OTOG: variants seen among roughly 807,000 people sequenced by gnomAD.
OTOG encodes otogelin.
In OTOG, 296 loss-of-function variants were observed where a neutral mutation model predicts 313.8. The ratio of observed to expected loss-of-function variants is 0.94; its 90% CI spans 0.86 to 1.04. The LOEUF (loss-of-function observed/expected upper bound fraction) is 1.04, where lower values mean the gene tolerates loss of function less well. OTOG is among the 50% of genes least tolerant of loss of function. The probability of loss-of-function intolerance (pLI) is 0.00; values close to 1 mark genes in which losing one functional copy is unlikely to be tolerated. For synonymous variants in OTOG, 1,533 were observed against 1,554.9 expected, an observed-to-expected ratio of 0.99 and a Z score of 0.33; for missense variants, 3,948 against 3,840.1, an observed-to-expected ratio of 1.03 and a Z score of -0.74.
intron 47 of OTOG, 128 bp from the exon 48 acceptor site, chr11:17,638,321 GCT>G (rs1847896892): frequency 2.6e-6 from 2 of 770,900 alleles, no homozygotes; most frequent in Admixed American, 2.9e-5. Flanking sequence ...CTTCCCTGGG[GCT>G]CTGAGGACAG....
At chr11:17,626,133 G>A (rs1215179837) in intron 39 of OTOG, among the ~76,000 whole-genome samples, 1 of 152,052 alleles carries the variant, frequency 6.6e-6, no homozygotes, top group Non-Finnish European at 1.5e-5. Context: ...TTGTTTCTGG[G>A]TTCTCTATTC....
Position 17,573,040 on chromosome 11 carries a change from C to T in OTOG, c.2081-38C>T, listed in dbSNP as rs1041930397. 1.7e-5 allele frequency: 26 copies of T among 1,495,924 alleles called. No homozygotes were observed. The African/African-American group carries it at 3.1e-4, about 18-fold the overall frequency. The allele number at this position is 1,495,924 out of a possible 1,614,324, so 92.7% of individuals were successfully genotyped here. ...GATCCTGGGACACCAGGTAGACCGACTCCCCTGACTGCCTGGCTCCTGTTC... is the reference window on the plus strand; with the variant it reads ...GATCCTGGGACACCAGGTAGACCGATTCCCCTGACTGCCTGGCTCCTGTTC... On this transcript the variant is annotated intron_variant, in intron 18 of 55. Coordinates refer to ENST00000399397, the MANE Select transcript of OTOG (RefSeq NM_001292063.2).
chr11:17,581,972 G>A (rs1465223215), intron 23 of OTOG, among the ~76,000 whole-genome samples: 1 of 152,032 alleles, frequency 6.6e-6, no homozygotes, highest in Non-Finnish European at 1.5e-5. Flanking sequence ...TAACTCTTGA[G>A]GTTGACCTAC....
rs1565126526 is a variant in OTOG at position 17,632,119 on chromosome 11, T to C, written c.6965T>C (p.Ile2322Thr). Residue 2322 changes from isoleucine to threonine, a missense_variant, in exon 42 of 56, where the codon ATC becomes ACC. Physicochemically the swap from Ile to Thr is moderately conservative, Grantham distance 89. Transcript: ENST00000399397. ...CCGGAGTCATTCTGTGAGCTGTGGA[T>C]CCGGGACACCAAGTACGTGCAGCAG... ...VPPESFCELW[I>T]RDTKYVQQPC... 6.4e-7 allele frequency: 1 copy of C among 1,551,070 alleles called. No individual in the cohort carries two copies. Among genetic ancestry groups the C allele is most frequent in the Admixed American group, 2.0e-5 (1 of 51,008 alleles).
intron 52 of OTOG, 66 bp downstream of exon 52, chr11:17,642,017 T>G: frequency 1.3e-6 from 2 of 1,528,594 alleles, no homozygotes; most frequent in Non-Finnish European, 1.8e-6. Context: ...ACTAGGGCCC[T>G]CTCTGGCTTG....
At chr11:17,617,676 T>G (rs1853756436) in intron 39 of OTOG, among the ~76,000 whole-genome samples, 1 of 152,158 alleles carries the variant, frequency 6.6e-6, no homozygotes, top group Non-Finnish European at 1.5e-5. Flanking sequence ...CTGACATTAG[T>G]TATTTGTGTC....
chr11:17,638,093 G>T (rs1854305882), intron 47 of OTOG, among the ~76,000 whole-genome samples: 1 of 152,372 alleles, frequency 6.6e-6, no homozygotes, highest in Non-Finnish European at 1.5e-5. Context: ...TTTCCACAGG[G>T]TGGGAAAGGT....
At chr11:17,632,815 G>A (rs1854163315) in intron 42 of OTOG, among the ~76,000 whole-genome samples, 1 of 152,118 alleles carries the variant, frequency 6.6e-6, no homozygotes, top group Non-Finnish European at 1.5e-5. Context: ...CAGAAAGGCT[G>A]GGATTGGCTC....
At chr11:17,590,055 C>T (rs1358013586) in intron 24 of OTOG, among the ~76,000 whole-genome samples, 1 of 152,166 alleles carries the variant, frequency 6.6e-6, no homozygotes, top group Non-Finnish European at 1.5e-5. Context: ...GACCTCTCCT[C>T]CTCTCTATTT....
intron 39 of OTOG, among the ~76,000 whole-genome samples, chr11:17,618,943 A>G (rs1317500385): frequency 6.6e-6 from 1 of 151,916 alleles, no homozygotes; most frequent in Non-Finnish European, 1.5e-5. Context: ...TAATCCTTTT[A>G]CTTTAACCTG....
At position 17,607,231 on chromosome 11, in the gene OTOG, C is replaced by T. The variant is rs555012961; in HGVS notation, c.4157-1065C>T. Among the ~76,000 whole-genome samples the T allele has an allele frequency of 6.6e-5, 10 of 152,382 alleles. No homozygotes were observed. The South Asian group carries it at 2.1e-3, about 32-fold the overall frequency. On this transcript the variant is annotated intron_variant, in intron 33 of 55. Transcript: ENST00000399397. ...TTTGGAAAAGCAGGTTTCTTTACAG[C>T]TGGCAGCAGTGTTCAGGTTAGGGCG...
At position 17,594,129 on chromosome 11, in the gene OTOG, A is replaced by G; in HGVS notation, c.3371A>G (p.Asn1124Ser). The change falls in exon 28 of 56, where the codon AAC becomes AGC. Residue 1124 changes from asparagine (N) to serine (S), a missense_variant. Coordinates refer to ENST00000399397, the MANE Select transcript of OTOG (RefSeq NM_001292063.2). Reference protein sequence around the residue: ...MRTPENLELTNPQEFGSSWAA... With the variant: ...MRTPENLELTSPQEFGSSWAA... ...ACCCCGGAGAACCTAGAGCTAACTA[A>G]CCCCCAGGAGTTTGGCAGCAGTTGG... is the stretch of plus-strand genomic sequence containing the variant. 2 of 1,550,382 alleles carry G rather than the reference A, an allele frequency of 1.3e-6. No individual in the cohort carries two copies. The highest frequency in any genetic ancestry group is 1.7e-6 in the Non-Finnish European group (2 of 1,146,944).
chr11:17,633,648 AG>A, intron 42 of OTOG, 31 bp from the exon 43 acceptor site: 3 of 1,483,766 alleles, frequency 2.0e-6, no homozygotes, highest in Non-Finnish European at 2.7e-6. Flanking sequence ...CTGGGGTCTG[AG>A]GTAGGCCTGG....
chr11:17,612,379 C>T (rs1037609611), intron 37 of OTOG, 49 bp downstream of exon 37: 2 of 1,482,050 alleles, frequency 1.3e-6, no homozygotes, highest in Non-Finnish European at 1.8e-6. Context: ...TGTATCCTTA[C>T]CCCAGCATGA....
At chr11:17,555,953 G>C in intron 7 of OTOG, 56 bp downstream of exon 7, 1 of 1,349,420 alleles carries the variant, frequency 7.4e-7, no homozygotes, top group South Asian at 1.3e-5. Flanking sequence ...GGTGGTGGTG[G>C]ATGGGTGAGC....
chr11:17,629,040 A>G (rs1854050597), intron 39 of OTOG, 93 bp from the exon 40 acceptor site: 1 of 1,251,824 alleles, frequency 8.0e-7, no homozygotes, highest in South Asian at 1.5e-5. Flanking sequence ...GGGTGGATGG[A>G]TGGATGGATG....
chr11:17,553,081 C>T (rs1589992967), intron 4 of OTOG, 38 bp from the exon 5 acceptor site: 2 of 1,544,176 alleles, frequency 1.3e-6, no homozygotes, highest in East Asian at 4.9e-5. Context: ...CTGCCAATCT[C>T]AGCTTGATGG....
chr11:17,574,269 T>C (rs904595006), intron 19 of OTOG, among the ~76,000 whole-genome samples: 7 of 152,150 alleles, frequency 4.6e-5, no homozygotes, highest in Non-Finnish European at 8.8e-5. Context: ...GCACAGTTGA[T>C]ATCCACAACC....
chr11:17,576,365 C>T (rs899939781), intron 20 of OTOG, among the ~76,000 whole-genome samples, 191 bp from the exon 21 acceptor site: 1 of 152,228 alleles, frequency 6.6e-6, no homozygotes, highest in African/African-American at 2.4e-5. Context: ...GGGACCCAGC[C>T]GTGACCTCTA....
Sources: gnomAD v4.1 joint callset for allele counts (sites outside exome capture counted in the v4.1 genomes callset) on GRCh38, gnomAD v4.1.1 for gene constraint, MANE v1.5 for transcripts, NCBI Gene and HGNC (gene_info 2026-07-23, HGNC 2026-07-21) for gene names.